The following PIK3CA variants were observed in gnomAD, a reference collection of about 807,000 sequenced individuals.
The protein encoded by PIK3CA is phosphatidylinositol-4,5-bisphosphate 3-kinase catalytic subunit alpha, also known as phosphatidylinositol 4,5-bisphosphate 3-kinase catalytic subunit alpha isoform.
PIK3CA carries 27 observed loss-of-function variants against 138.2 expected under a neutral mutation model. The ratio of observed to expected loss-of-function variants is 0.20; its 90% CI spans 0.14 to 0.27. The LOEUF (loss-of-function observed/expected upper bound fraction) is 0.27. Ranked by LOEUF, PIK3CA falls within the 10% of genes least tolerant of loss-of-function variation. PIK3CA has a pLI of 1.00. For synonymous variants in PIK3CA, 358 were observed against 413.2 expected, an observed-to-expected ratio of 0.87 and a Z score of 1.62; for missense variants, 544 against 1,277.4, an observed-to-expected ratio of 0.43 and a Z score of 8.75.
In PIK3CA at chr3:179,222,264, T is replaced by G. The variant is rs1724986994; in HGVS notation, c.2187+1107T>G. Among the ~76,000 whole-genome samples the G allele has an allele frequency of 2.0e-5, 3 of 152,200 alleles. 1 individual carries two copies. The South Asian group carries it at 6.2e-4, about 31-fold the overall frequency. On this transcript the variant is annotated intron_variant, in intron 14 of 20. Transcript: ENST00000263967. ...AAAAAAAAAATTAAAACAAAGTTAT[T>G]GTATTAATGTAAATGTCATACAGTG...
chr3:179,198,458 C>T (rs533446819), intron 1 of PIK3CA, among the ~76,000 whole-genome samples: 2 of 152,270 alleles, frequency 1.3e-5, no homozygotes, highest in African/African-American at 4.8e-5. Context: ...TTCCCATAGC[C>T]TCATCTCTGT....
intron 2 of PIK3CA, 24 bp from the exon 3 acceptor site, chr3:179,199,666 A>T (rs2108387020): frequency 6.6e-7 from 1 of 1,508,344 alleles, no homozygotes; most frequent in Non-Finnish European, 9.2e-7. Context: ...AGAATGTTAT[A>T]TTCTTTATGT....
intron 1 of PIK3CA, among the ~76,000 whole-genome samples, chr3:179,194,517 C>T (rs1724216389): frequency 6.6e-6 from 1 of 152,188 alleles, no homozygotes; most frequent in Admixed American, 6.5e-5. Flanking sequence ...CAACCCCCAG[C>T]CCAGAGTCTC....
At chr3:179,165,850 A>G (rs956543520) in intron 1 of PIK3CA, among the ~76,000 whole-genome samples, 2 of 152,012 alleles carry the variant, frequency 1.3e-5, no homozygotes, top group African/African-American at 4.8e-5. Flanking sequence ...GGCTTCTCCT[A>G]CTCAGTAACA....
intron 20 of PIK3CA, among the ~76,000 whole-genome samples, chr3:179,233,746 A>G (rs1246557618): frequency 6.6e-6 from 1 of 152,188 alleles, no homozygotes. Flanking sequence ...ACAATCTTCT[A>G]TAAAATTCTG....
intron 1 of PIK3CA, among the ~76,000 whole-genome samples, chr3:179,151,117 A>G (rs759244071): frequency 6.6e-6 from 1 of 152,258 alleles, no homozygotes; most frequent in Non-Finnish European, 1.5e-5. Flanking sequence ...ATTCAGCTTT[A>G]GAAGTATATG....
chr3:179,178,556 G>A (rs146475028), intron 1 of PIK3CA, among the ~76,000 whole-genome samples: 1 of 152,220 alleles, frequency 6.6e-6, no homozygotes, highest in Non-Finnish European at 1.5e-5. Context: ...CTAACTTATT[G>A]CTGGTGGGAA....
At chr3:179,163,259 T>C (rs1266458554) in intron 1 of PIK3CA, among the ~76,000 whole-genome samples, 4 of 152,196 alleles carry the variant, frequency 2.6e-5, no homozygotes, top group Non-Finnish European at 4.4e-5. Flanking sequence ...AGTAAACTTA[T>C]GCCTAGTGTC....
At chr3:179,211,940 G>T (rs1724722584) in intron 9 of PIK3CA, among the ~76,000 whole-genome samples, 3 of 152,044 alleles carry the variant, frequency 2.0e-5, no homozygotes, top group Admixed American at 2.0e-4. Context: ...ATATATTGAG[G>T]TCTGCAGCTG....
At chr3:179,183,713 CAT>C (rs1046885229) in intron 1 of PIK3CA, among the ~76,000 whole-genome samples, 3 of 152,136 alleles carry the variant, frequency 2.0e-5, no homozygotes, top group Non-Finnish European at 4.4e-5. Context: ...AGTCCAAGGA[CAT>C]AGGCTGAGGT....
chr3:179,215,977 C>G (rs1262886706), intron 9 of PIK3CA, among the ~76,000 whole-genome samples: 3 of 152,138 alleles, frequency 2.0e-5, no homozygotes, highest in African/African-American at 7.2e-5. Context: ...GTCCTCTACC[C>G]TACTGCAGGC....
intron 1 of PIK3CA, among the ~76,000 whole-genome samples, chr3:179,178,523 T>A (rs1233674046): frequency 6.6e-6 from 1 of 152,206 alleles, no homozygotes; most frequent in Non-Finnish European, 1.5e-5. Flanking sequence ...ACTGAATAGT[T>A]ATGATATAGA....
chr3:179,238,101 T>A lies in PIK3CA; in HGVS notation c.*3737T>A, dbSNP rs1443810817. 4.4e-6 allele frequency: 1 copy of A among 225,444 alleles called. No individual in the cohort carries two copies. Among genetic ancestry groups the A allele is most frequent in the Non-Finnish European group, 8.8e-6 (1 of 113,184 alleles). The allele number at this position is 225,444 out of a possible 1,614,324, so 14.0% of individuals were successfully genotyped here. On this transcript the variant is annotated 3_prime_UTR_variant, in exon 21 of 21. Transcript: ENST00000263967. ...AACAGGGAGGAGTTGTTTGAATGAATTACATTCTTTATATCCATCCTGCTC... is the reference window on the plus strand; with the variant it reads ...AACAGGGAGGAGTTGTTTGAATGAAATACATTCTTTATATCCATCCTGCTC...
At chr3:179,171,731 A>G (rs191088517) in intron 1 of PIK3CA, among the ~76,000 whole-genome samples, 1 of 152,294 alleles carries the variant, frequency 6.6e-6, no homozygotes, top group East Asian at 1.9e-4. Context: ...GAGTAAATAA[A>G]TTGAATTAGT....
At chr3:179,171,289 C>G (rs1387897385) in intron 1 of PIK3CA, among the ~76,000 whole-genome samples, 1 of 152,060 alleles carries the variant, frequency 6.6e-6, no homozygotes, top group Non-Finnish European at 1.5e-5. Flanking sequence ...GTATGTAGCT[C>G]TCAGGCAGTG....
At chr3:179,222,151 A>G (rs1039832173) in intron 14 of PIK3CA, among the ~76,000 whole-genome samples, 2 of 152,222 alleles carry the variant, frequency 1.3e-5, no homozygotes, top group Admixed American at 1.3e-4. Flanking sequence ...GAAAAATCGT[A>G]TATTAGTGAG....
At chr3:179,216,393 T>A (rs1262506977) in intron 9 of PIK3CA, among the ~76,000 whole-genome samples, 1 of 143,208 alleles carries the variant, frequency 7.0e-6, no homozygotes, top group Non-Finnish European at 1.5e-5. Context: ...CACCAAAATT[T>A]TTTTTTAAAT....
intron 9 of PIK3CA, among the ~76,000 whole-genome samples, chr3:179,212,781 A>G (rs1724748230): frequency 6.6e-6 from 1 of 152,162 alleles, no homozygotes; most frequent in Non-Finnish European, 1.5e-5. Context: ...AATACAGTAC[A>G]GTACTGTAAA....
At chr3:179,197,538 A>G (rs1249266207) in intron 1 of PIK3CA, among the ~76,000 whole-genome samples, 4 of 152,222 alleles carry the variant, frequency 2.6e-5, no homozygotes, top group African/African-American at 9.6e-5. Context: ...TGTGAAGGCA[A>G]GGGCCATGTC....
Sources: gnomAD v4.1 joint callset for allele counts (sites outside exome capture counted in the v4.1 genomes callset) on GRCh38, gnomAD v4.1.1 for gene constraint, MANE v1.5 for transcripts, NCBI Gene and HGNC (gene_info 2026-07-23, HGNC 2026-07-21) for gene names.